POU6F2: variants seen among roughly 807,000 people sequenced by gnomAD.
The protein encoded by POU6F2 is POU class 6 homeobox 2, also known as POU domain, class 6, transcription factor 2.
A neutral mutation model predicts 71.3 loss-of-function variants in POU6F2; 31 were observed. That is an observed-to-expected ratio of 0.43 (90% confidence interval 0.33 to 0.59). The LOEUF is 0.59. POU6F2 is among the 20% of genes least tolerant of loss of function. The probability of loss-of-function intolerance (pLI) is 0.04; values close to 1 mark genes in which losing one functional copy is unlikely to be tolerated. For synonymous variants in POU6F2, 347 were observed against 355.7 expected (o/e 0.98, Z 0.27); for missense variants, 783 against 856.8 (o/e 0.91, Z 1.07).
chr7:39,376,139 C>T (rs1168581557), intron 5 of POU6F2, among the ~76,000 whole-genome samples: 4 of 152,178 alleles, frequency 2.6e-5, no homozygotes, highest in Non-Finnish European at 5.9e-5. Context: ...CCTCAACAAT[C>T]TGTAGCTTAT....
chr7:39,464,695 C>T lies in POU6F2; in HGVS notation c.*9C>T. ...TGGAAGAAAACTCCTAAAGAGATGC[C>T]CACCCATAATCAGAAGCAAAATTCA... On this transcript the variant is annotated 3_prime_UTR_variant, in exon 10 of 10. Transcript: ENST00000518318. The surrounding 1 kb of genome is among the most constrained non-coding windows in gnomAD (Gnocchi z 4.1). 1 of 1,589,096 alleles carries T rather than the reference C, an allele frequency of 6.3e-7. No homozygotes were observed. The highest frequency in any genetic ancestry group is 8.6e-7 in the Non-Finnish European group (1 of 1,169,052).
intron 2 of POU6F2, among the ~76,000 whole-genome samples, chr7:39,121,291 T>G (rs916833732): frequency 3.9e-5 from 6 of 152,240 alleles, no homozygotes; most frequent in Admixed American, 6.5e-5. Context: ...CTTCCTCAGA[T>G]GATTCTTGCC....
chr7:39,170,009 C>G (rs566263722), intron 2 of POU6F2, among the ~76,000 whole-genome samples: 2 of 151,998 alleles, frequency 1.3e-5, no homozygotes, highest in Non-Finnish European at 2.9e-5. Flanking sequence ...ATGGCGAAAC[C>G]CTGTTTCTAC....
intron 7 of POU6F2, among the ~76,000 whole-genome samples, chr7:39,434,527 AGTGATGATGATGATGATG>A (rs1321196918): frequency 1.3e-5 from 2 of 151,766 alleles, no homozygotes; most frequent in African/African-American, 4.9e-5. Context: ...TTGTGATGAT[AGTGATGATGATGATGATG>A]GTGATGATGA....
intron 5 of POU6F2, among the ~76,000 whole-genome samples, chr7:39,374,546 T>C (rs1786673446): frequency 6.6e-6 from 1 of 152,210 alleles, no homozygotes; most frequent in Admixed American, 6.5e-5. Context: ...AATCCCCATC[T>C]AAAGATATTC....
Position 39,433,168 on chromosome 7 carries a change from C to G in POU6F2, c.1205C>G (p.Pro402Arg). Residue 402 changes from proline (P) to arginine (R), a missense_variant, in exon 7 of 10, where the codon CCC becomes CGC. By Grantham distance (103) the Pro-to-Arg change is moderately radical. Coordinates refer to ENST00000518318, the MANE Select transcript of POU6F2 (RefSeq NM_001370959.1). The stretch of plus-strand genomic sequence containing the variant: ...GGCTTGCAAGTGCAGCCAATCACCC[C>G]CCAGCTCCTCACAAACGCCCAGGGC... Reference protein sequence around the residue: ...TQGLQVQPITPQLLTNAQGQI... With the variant: ...TQGLQVQPITRQLLTNAQGQI... 3 of 1,613,858 alleles carry G rather than the reference C, an allele frequency of 1.9e-6. No homozygotes were observed. The highest frequency in any genetic ancestry group is 1.7e-6 in the Non-Finnish European group (2 of 1,179,884).
At chr7:39,312,700 G>A (rs539558435) in intron 4 of POU6F2, among the ~76,000 whole-genome samples, 2 of 152,212 alleles carry the variant, frequency 1.3e-5, no homozygotes, top group East Asian at 3.9e-4. Context: ...CTTGCACTTC[G>A]AGGCCACTAT....
At chr7:39,382,047 A>AATAATAATG (rs1786839783) in intron 5 of POU6F2, among the ~76,000 whole-genome samples, 1 of 150,542 alleles carries the variant, frequency 6.6e-6, no homozygotes. Flanking sequence ...ACAAGCAAAT[A>AATAATAATG]ATAATAATAA....
At chr7:39,021,391 C>T (rs556595601) in intron 1 of POU6F2, among the ~76,000 whole-genome samples, 3 of 151,656 alleles carry the variant, frequency 2.0e-5, no homozygotes, top group Admixed American at 6.6e-5. Context: ...ATGGCAAGAT[C>T]GAAACTCTAT....
At chr7:39,410,531 A>G (rs1159789288) in intron 6 of POU6F2, among the ~76,000 whole-genome samples, 2 of 151,772 alleles carry the variant, frequency 1.3e-5, no homozygotes, top group African/African-American at 2.4e-5. Flanking sequence ...CAGGTGGGCA[A>G]TGGAACGGGT....
At chr7:39,011,929 C>G (rs1244685097) in intron 1 of POU6F2, among the ~76,000 whole-genome samples, 1 of 151,802 alleles carries the variant, frequency 6.6e-6, no homozygotes. Context: ...GAGGGTAACC[C>G]GACCTTTCTC....
At chr7:39,112,617 T>G (rs181225848) in intron 2 of POU6F2, among the ~76,000 whole-genome samples, 65 of 149,608 alleles carry the variant, frequency 4.3e-4, no homozygotes, top group African/African-American at 1.3e-3. Context: ...GAATTGAGTG[T>G]TTTTTTTTTC....
chr7:39,275,929 G>T lies in POU6F2; in HGVS notation c.599-63713G>T, dbSNP rs1202873907. 5.3e-5 allele frequency among the ~76,000 whole-genome samples: 8 copies of T among 151,856 alleles called. No homozygotes were observed. In the East Asian group the frequency reaches 1.4e-3, roughly 26 times the overall value. ...AGATGGATTAAAGACTTAAACGTTA[G>T]ACCTAAAACCATAAAAACCCTAGAA... On this transcript the variant is annotated intron_variant, in intron 4 of 9. Transcript: ENST00000518318.
intron 4 of POU6F2, among the ~76,000 whole-genome samples, chr7:39,314,252 A>C (rs1404648026): frequency 6.6e-6 from 1 of 152,090 alleles, no homozygotes; most frequent in African/African-American, 2.4e-5. Context: ...AGAGATTTAC[A>C]ATTCAGCAGT....
chr7:39,131,393 A>G (rs145695166), intron 2 of POU6F2, among the ~76,000 whole-genome samples: 118 of 152,348 alleles, frequency 7.7e-4, no homozygotes, highest in Non-Finnish European at 1.4e-3. Context: ...GCCATTTGCA[A>G]GTAAATTGAT....
chr7:39,096,397 AG>A (rs1343740065), intron 2 of POU6F2, among the ~76,000 whole-genome samples: 1 of 152,166 alleles, frequency 6.6e-6, no homozygotes, highest in African/African-American at 2.4e-5. Context: ...TCAAAAGACA[AG>A]ATAATAAGAC....
At chr7:39,010,987 A>G (rs1349970387) in intron 1 of POU6F2, among the ~76,000 whole-genome samples, 1 of 145,752 alleles carries the variant, frequency 6.9e-6, no homozygotes, top group Non-Finnish European at 1.5e-5. Context: ...GTGCTGAAAA[A>G]AATGTATATT....
chr7:39,195,326 C>T (rs1482387522), intron 2 of POU6F2, among the ~76,000 whole-genome samples: 1 of 152,156 alleles, frequency 6.6e-6, no homozygotes, highest in Non-Finnish European at 1.5e-5. Context: ...TGCATATTAG[C>T]AGAAGTGACT....
At chr7:39,038,912 C>T (rs2128711185) in intron 1 of POU6F2, among the ~76,000 whole-genome samples, 1 of 151,760 alleles carries the variant, frequency 6.6e-6, no homozygotes, top group South Asian at 2.1e-4. Context: ...ATTAGGTCAC[C>T]ACAGAGACAA....
Sources: gnomAD v4.1 joint callset for allele counts (sites outside exome capture counted in the v4.1 genomes callset) on GRCh38, gnomAD v4.1.1 for gene constraint, Gnocchi (gnomAD v3.1) non-coding constraint, MANE v1.5 for transcripts, NCBI Gene and HGNC (gene_info 2026-07-23, HGNC 2026-07-21) for gene names.